DISC1: variants seen among roughly 807,000 people sequenced by gnomAD.
DISC1 encodes the protein DISC1 scaffold protein, also known as disrupted in schizophrenia 1 protein.
A neutral mutation model predicts 84.5 loss-of-function variants in DISC1; 57 were observed. The observed-to-expected ratio is 0.67, with a 90% CI of 0.55 to 0.84. The LOEUF (loss-of-function observed/expected upper bound fraction) is 0.84, where lower values mean the gene tolerates loss of function less well. DISC1 is among the 40% of genes least tolerant of loss of function. The pLI is 0.00. For missense variants in DISC1, 1,000 were observed against 1,057.8 expected (o/e 0.95, Z 0.76); for synonymous variants, 411 against 415.2 (o/e 0.99, Z 0.12).
rs1233759489 is a variant in DISC1 at position 231,688,830 on chromosome 1, T to C, written c.68-4996T>C. ...AATTGTTTTATGGAAATGGATTACA[T>C]GATTAAATTGGAAATAGAATACAGG... On this transcript the variant is annotated intron_variant, in intron 1 of 12. Transcript: ENST00000439617. 2.6e-5 allele frequency among the ~76,000 whole-genome samples: 4 copies of C among 152,210 alleles called. No individual in the cohort carries two copies. The East Asian group carries it at 7.7e-4, about 29-fold the overall frequency.
At chr1:231,691,659 G>A (rs544950394) in intron 1 of DISC1, among the ~76,000 whole-genome samples, 4 of 152,132 alleles carry the variant, frequency 2.6e-5, no homozygotes, top group African/African-American at 7.2e-5. Context: ...TTCAAGATAC[G>A]AAATTGTTGA....
chr1:231,936,085 C>T (rs190900478), intron 9 of DISC1, among the ~76,000 whole-genome samples: 2 of 152,232 alleles, frequency 1.3e-5, no homozygotes, highest in South Asian at 2.1e-4. Context: ...CTGCAGGAAA[C>T]GTCCTGAGCT....
chr1:231,983,336 G>A (rs1441234575), intron 10 of DISC1, among the ~76,000 whole-genome samples: 1 of 151,558 alleles, frequency 6.6e-6, no homozygotes, highest in Non-Finnish European at 1.5e-5. Context: ...TGGGGAAGCT[G>A]TATGCTTGCA....
At chr1:231,871,372 T>G (rs2085450297) in intron 9 of DISC1, among the ~76,000 whole-genome samples, 1 of 152,106 alleles carries the variant, frequency 6.6e-6, no homozygotes, top group Non-Finnish European at 1.5e-5. Flanking sequence ...AGGGAGGTGG[T>G]TTGGGGAAGA....
intron 3 of DISC1, among the ~76,000 whole-genome samples, chr1:231,731,343 T>G (rs370538239): frequency 6.6e-6 from 1 of 152,360 alleles, no homozygotes; most frequent in African/African-American, 2.4e-5. Flanking sequence ...CAGTAATATT[T>G]ATACCTACTT....
intron 9 of DISC1, among the ~76,000 whole-genome samples, chr1:231,845,210 A>G (rs1227783195): frequency 6.6e-6 from 1 of 152,172 alleles, no homozygotes; most frequent in African/African-American, 2.4e-5. Flanking sequence ...GCCTGGCAGG[A>G]AGTCCATTTA....
intron 10 of DISC1, among the ~76,000 whole-genome samples, chr1:231,994,970 A>G (rs1665718059): frequency 6.6e-6 from 1 of 152,180 alleles, no homozygotes; most frequent in Non-Finnish European, 1.5e-5. Flanking sequence ...TCAACCAACA[A>G]TGACCTCTAC....
intron 9 of DISC1, among the ~76,000 whole-genome samples, chr1:231,854,265 G>A (rs2084103457): frequency 6.6e-6 from 1 of 152,076 alleles, no homozygotes; most frequent in South Asian, 2.1e-4. Context: ...TATAAAGTGA[G>A]CATGAAATCC....
At chr1:231,730,704 A>G (rs749127693) in intron 3 of DISC1, among the ~76,000 whole-genome samples, 20 of 152,208 alleles carry the variant, frequency 1.3e-4, no homozygotes, top group Non-Finnish European at 2.2e-4. Context: ...ATATGATAAT[A>G]TGCTATAAAG....
rs541408209 is a variant in DISC1 at position 231,723,542 on chromosome 1, A to G, written c.1117+21518A>G. 9.5e-5 allele frequency: 94 copies of G among 985,480 alleles called. No homozygotes were observed. In the East Asian group the frequency reaches 5.7e-3, roughly 59 times the overall value. 61.0% of individuals were successfully genotyped at this position (985,480 alleles called of 1,614,324 possible). On this transcript the variant is annotated intron_variant, in intron 3 of 12. Transcript: ENST00000439617. ...CATCAAAGGTTAAATTTCATATAGCATGTCTGTTATATCAGACTTCTCTGA... is the reference window on the plus strand; with the variant it reads ...CATCAAAGGTTAAATTTCATATAGCGTGTCTGTTATATCAGACTTCTCTGA...
chr1:231,993,560 T>C (rs1657382632), intron 10 of DISC1, among the ~76,000 whole-genome samples: 1 of 152,050 alleles, frequency 6.6e-6, no homozygotes, highest in African/African-American at 2.4e-5. Flanking sequence ...AAATAACAAG[T>C]TTAAAAATGA....
Position 231,698,332 on chromosome 1 carries a change from C to T in DISC1, c.1047+3527C>T, listed in dbSNP as rs1287216080. ...TGAATATTTTATGCTGTTTAGAAAT[C>T]GCTGCTTAGCGAGATTTCCAGGGGT... On this transcript the variant is annotated intron_variant, in intron 2 of 12. Coordinates refer to ENST00000439617, the MANE Select transcript of DISC1 (RefSeq NM_018662.3). The surrounding 1 kb of genome is among the most constrained non-coding windows in gnomAD (Gnocchi z 4.9). Among the ~76,000 whole-genome samples the T allele has an allele frequency of 1.3e-5, 2 of 152,160 alleles. No individual in the cohort carries two copies. The highest frequency in any genetic ancestry group is 2.9e-5 in the Non-Finnish European group (2 of 68,032).
rs528097801 is a variant in DISC1 at position 232,041,158 on chromosome 1, A to G, written c.*4327A>G. The G allele has an allele frequency of 6.6e-6, 1 of 152,300 alleles. No homozygotes were observed. Among genetic ancestry groups the G allele is most frequent in the South Asian group, 2.1e-4 (1 of 4,828 alleles). The allele number at this position is 152,300 out of a possible 1,614,324, so 9.4% of individuals were successfully genotyped here. On this transcript the variant is annotated 3_prime_UTR_variant, in exon 13 of 13. Coordinates refer to ENST00000439617, the MANE Select transcript of DISC1 (RefSeq NM_018662.3). The stretch of plus-strand genomic sequence containing the variant: ...CATCTTGATGATTTTTTGTCCTTTG[A>G]AGTATGGATGATAGAAAAATGTATC...
intron 9 of DISC1, among the ~76,000 whole-genome samples, chr1:231,934,510 AT>A (rs1276486800): frequency 6.6e-6 from 1 of 152,186 alleles, no homozygotes; most frequent in Non-Finnish European, 1.5e-5. Flanking sequence ...GAAACAAGTC[AT>A]TTTTAAGTGA....
At chr1:231,731,013 G>A (rs1275493246) in intron 3 of DISC1, among the ~76,000 whole-genome samples, 4 of 151,848 alleles carry the variant, frequency 2.6e-5, no homozygotes, top group Non-Finnish European at 5.9e-5. Flanking sequence ...AGTTTTTTGT[G>A]TAGGCATGAT....
At position 231,660,914 on chromosome 1, in the gene DISC1, C is replaced by T. The variant is rs548711238; in HGVS notation, c.68-32912C>T. Among the ~76,000 whole-genome samples, 12 of 152,156 alleles carry T rather than the reference C, an allele frequency of 7.9e-5. No homozygotes were observed. The East Asian group carries it at 9.7e-4, about 12-fold the overall frequency. ...TTTGTAGTGGCTGGTAACAGTTTTTCGTTTCCATATTTAGTGCTTCCTGGT... is the reference window on the plus strand; with the variant it reads ...TTTGTAGTGGCTGGTAACAGTTTTTTGTTTCCATATTTAGTGCTTCCTGGT... On this transcript the variant is annotated intron_variant, in intron 1 of 12. Transcript: ENST00000439617.
intron 10 of DISC1, among the ~76,000 whole-genome samples, chr1:231,984,076 A>G (rs1664055289): frequency 6.6e-6 from 1 of 152,204 alleles, no homozygotes; most frequent in African/African-American, 2.4e-5. Flanking sequence ...CTAACTCCAA[A>G]TCTGCCCCCA....
At chr1:231,963,607 A>G (rs1341030477) in intron 10 of DISC1, among the ~76,000 whole-genome samples, 1 of 152,134 alleles carries the variant, frequency 6.6e-6, no homozygotes, top group Non-Finnish European at 1.5e-5. Flanking sequence ...TGACTAACCA[A>G]GACTGAGTAA....
intron 12 of DISC1, among the ~76,000 whole-genome samples, chr1:232,035,571 C>T (rs1445863581): frequency 6.6e-6 from 1 of 152,194 alleles, no homozygotes; most frequent in Non-Finnish European, 1.5e-5. Context: ...TGTAAACAGT[C>T]AGACTCCCTT....
Sources: allele counts gnomAD v4.1 joint callset (sites outside exome capture counted in the v4.1 genomes callset), GRCh38; gene constraint gnomAD v4.1.1; non-coding constraint Gnocchi (gnomAD v3.1); transcripts MANE v1.5; gene names NCBI Gene and HGNC (gene_info 2026-07-23, HGNC 2026-07-21).